Variants in RBFOX3 observed in about 807,000 individuals in gnomAD.
RBFOX3 encodes RNA binding fox-1 homolog 3, also known as RNA binding protein fox-1 homolog 3.
A neutral mutation model predicts 48.7 loss-of-function variants in RBFOX3; 17 were observed. The observed-to-expected ratio is 0.35, with a 90% CI of 0.24 to 0.52. The LOEUF is 0.52. Among genes scored for constraint, RBFOX3 ranks in the 20% least tolerant of loss-of-function variants. The pLI is 0.94. For synonymous variants in RBFOX3, 212 were observed against 209.5 expected (o/e 1.01, Z -0.10); for missense variants, 382 against 497.5 (o/e 0.77, Z 2.21).
At position 79,149,093 on chromosome 17, in the gene RBFOX3, C is replaced by T. The variant is rs569400637; in HGVS notation, c.-33-33345G>A. On this transcript the variant is annotated intron_variant, in intron 4 of 14. Coordinates refer to ENST00000693108, the MANE Select transcript of RBFOX3 (RefSeq NM_001350451.2). ...AGCGCACTCTAAAGCTTAAGAAGCA[C>T]AAGGAGATCCTCCAGGGCATGGAGG... Among the ~76,000 whole-genome samples the T allele has an allele frequency of 2.0e-4, 31 of 152,324 alleles. No homozygotes were observed. The East Asian group carries it at 5.8e-3, about 28-fold the overall frequency.
chr17:79,344,540 A>T (rs201003313), intron 2 of RBFOX3, among the ~76,000 whole-genome samples: 2 of 147,324 alleles, frequency 1.4e-5, no homozygotes, highest in African/African-American at 2.5e-5. Flanking sequence ...ACTTTGTTTG[A>T]TTATTTATTT....
intron 2 of RBFOX3, among the ~76,000 whole-genome samples, chr17:79,352,318 T>C (rs1025958630): frequency 1.3e-5 from 2 of 152,162 alleles, no homozygotes; most frequent in Non-Finnish European, 2.9e-5. Flanking sequence ...ACTGCCCTCT[T>C]TGATCTCTCT....
In RBFOX3 at chr17:79,332,315, C is replaced by G. The variant is rs561702328; in HGVS notation, c.-174-24491G>C. ...TCTTTTCTTTTTTTATGCTGCTGAG[C>G]GAAGCAGGGATCAGGCTGAGCACAG... On this transcript the variant is annotated intron_variant, in intron 2 of 14. Transcript: ENST00000693108. Among the ~76,000 whole-genome samples, 10 of 150,852 alleles carry G rather than the reference C, an allele frequency of 6.6e-5. No individual in the cohort carries two copies. In the South Asian group the frequency reaches 2.1e-3, roughly 32 times the overall value.
intron 2 of RBFOX3, among the ~76,000 whole-genome samples, chr17:79,329,546 AATT>A (rs1343806174): frequency 6.6e-6 from 1 of 152,020 alleles, no homozygotes; most frequent in Non-Finnish European, 1.5e-5. Context: ...TATAACCTGA[AATT>A]ATTCCACACC....
rs1040193648 is a variant in RBFOX3, at chr17:79,214,914, C to T, written c.-34+20852G>A. 5.9e-5 allele frequency among the ~76,000 whole-genome samples: 9 copies of T among 152,162 alleles called. No individual in the cohort carries two copies. The East Asian group carries it at 7.7e-4, about 13-fold the overall frequency. ...TGTTCTTTATTTCTCTGGCAATTAC[C>T]GCTAATTTGGAGACGTTCTGCCTTG... On this transcript the variant is annotated intron_variant, in intron 4 of 14. Transcript: ENST00000693108. The surrounding 1 kb of genome is among the most constrained non-coding windows in gnomAD (Gnocchi z 4.7).
At chr17:79,412,370 ATGTG>A (rs1355919396) in intron 2 of RBFOX3, among the ~76,000 whole-genome samples, 1 of 151,496 alleles carries the variant, frequency 6.6e-6, no homozygotes, top group East Asian at 2.0e-4. Flanking sequence ...GTGTATGCAC[ATGTG>A]TGTATGTGTG....
At chr17:79,404,262 G>A (rs1465417639) in intron 2 of RBFOX3, among the ~76,000 whole-genome samples, 1 of 152,218 alleles carries the variant, frequency 6.6e-6, no homozygotes, top group Non-Finnish European at 1.5e-5. Context: ...GGGCCACAGC[G>A]GTGGGAGCCC....
intron 4 of RBFOX3, among the ~76,000 whole-genome samples, chr17:79,232,759 A>G (rs920012642): frequency 2.6e-5 from 4 of 152,210 alleles, no homozygotes; most frequent in Non-Finnish European, 5.9e-5. Context: ...TAACCATACG[A>G]ATAGATTCTC....
chr17:79,217,954 C>T (rs564343949), intron 4 of RBFOX3, among the ~76,000 whole-genome samples: 34 of 151,886 alleles, frequency 2.2e-4, no homozygotes, highest in Middle Eastern at 3.4e-3. Flanking sequence ...CTCTGTGTTA[C>T]GAAGGTGAGA....
chr17:79,102,904 G>C (rs1350251770), intron 8 of RBFOX3, among the ~76,000 whole-genome samples: 1 of 152,216 alleles, frequency 6.6e-6, no homozygotes, highest in Non-Finnish European at 1.5e-5. Context: ...TGTCTGGTTG[G>C]GGACAGCGCC....
chr17:79,152,283 C>T (rs888765170), intron 4 of RBFOX3, among the ~76,000 whole-genome samples: 1 of 152,140 alleles, frequency 6.6e-6, no homozygotes, highest in African/African-American at 2.4e-5. Context: ...GACTTCGGGG[C>T]ACCTCCCCCA....
chr17:79,138,233 GCA>G (rs2040728428), intron 4 of RBFOX3, among the ~76,000 whole-genome samples: 1 of 152,110 alleles, frequency 6.6e-6, no homozygotes, highest in Non-Finnish European at 1.5e-5. Flanking sequence ...TGTGCAACAC[GCA>G]CACTCAGACC....
Position 79,199,211 on chromosome 17 carries a change from G to A in RBFOX3, c.-34+36555C>T, listed in dbSNP as rs867678558. Among the ~76,000 whole-genome samples, 1 of 152,144 alleles carries A rather than the reference G, an allele frequency of 6.6e-6. No homozygotes were observed. The highest frequency in any genetic ancestry group is 1.9e-4 in the East Asian group (1 of 5,190). ...CTGGCTGGCTCACTCTGCCTTCTGA[G>A]AATGTAAAGGGCCTTTCGAAAAGAC... On this transcript the variant is annotated intron_variant, in intron 4 of 14. Coordinates refer to ENST00000693108, the MANE Select transcript of RBFOX3 (RefSeq NM_001350451.2). This position sits in a 1 kb window ranked among gnomAD's most constrained non-coding sequence, Gnocchi z 5.1.
chr17:79,385,913 G>T (rs2060496743), intron 2 of RBFOX3, among the ~76,000 whole-genome samples: 1 of 139,494 alleles, frequency 7.2e-6, no homozygotes, highest in Admixed American at 7.2e-5. Context: ...TCCCATTAGA[G>T]AGAGAGGCTC....
intron 4 of RBFOX3, among the ~76,000 whole-genome samples, chr17:79,166,152 TC>T (rs11286272): frequency 0.94 from 143,201 of 151,648 alleles, 67,699 homozygotes; most frequent in East Asian, 1. Context: ...CCCCTCCTGT[TC>T]CCCCCCCGGG....
chr17:79,261,735 C>T (rs1036597906), intron 3 of RBFOX3, among the ~76,000 whole-genome samples: 5 of 152,238 alleles, frequency 3.3e-5, no homozygotes, highest in African/African-American at 4.8e-5. Context: ...CCGCACTGGT[C>T]GCCACGGGGA....
chr17:79,442,909 AAG>A (rs1241895410), intron 2 of RBFOX3, among the ~76,000 whole-genome samples: 1 of 152,156 alleles, frequency 6.6e-6, no homozygotes, highest in Non-Finnish European at 1.5e-5. Flanking sequence ...TTCTGGTCTG[AAG>A]CTCCCCACAG....
upstream of RBFOX3, among the ~76,000 whole-genome samples, chr17:79,611,147 T>C (rs1379051755): frequency 3.2e-5 from 1 of 31,454 alleles, no homozygotes; most frequent in East Asian, 6.5e-4. Context: ...TCTCTCTCTC[T>C]CTCTCTCTCT....
the RBFOX3 span, among the ~76,000 whole-genome samples, chr17:79,638,295 A>G: frequency 1.5e-5 from 2 of 137,212 alleles, no homozygotes; most frequent in Non-Finnish European, 3.1e-5. Flanking sequence ...AATTAACAAA[A>G]CTGAGTTGGT....
Sources: gnomAD v4.1 joint callset for allele counts (sites outside exome capture counted in the v4.1 genomes callset) on GRCh38, gnomAD v4.1.1 for gene constraint, Gnocchi (gnomAD v3.1) non-coding constraint, MANE v1.5 for transcripts, NCBI Gene and HGNC (gene_info 2026-07-23, HGNC 2026-07-21) for gene names.